Variants in VPS13B observed in about 807,000 individuals in gnomAD.
The protein encoded by VPS13B is vacuolar protein sorting 13 homolog B.
A neutral mutation model predicts 426.4 loss-of-function variants in VPS13B; 285 were observed. The ratio of observed to expected loss-of-function variants is 0.67; its 90% CI spans 0.61 to 0.74. The LOEUF (loss-of-function observed/expected upper bound fraction) is 0.74, where lower values mean the gene tolerates loss of function less well. Among genes scored for constraint, VPS13B ranks in the 30% least tolerant of loss-of-function variants. The probability of loss-of-function intolerance (pLI) is 0.00; values close to 1 mark genes in which losing one functional copy is unlikely to be tolerated. For missense variants in VPS13B, 4,537 were observed against 4,782.6 expected, an observed-to-expected ratio of 0.95 and a Z score of 1.51; for synonymous variants, 1,676 against 1,676.4, an observed-to-expected ratio of 1.00 and a Z score of 0.01.
chr8:99,671,267 C>T (rs1334951498), intron 35 of VPS13B, among the ~76,000 whole-genome samples: 1 of 152,012 alleles, frequency 6.6e-6, no homozygotes, highest in African/African-American at 2.4e-5. Flanking sequence ...ACCTGTTGGC[C>T]ATTTGTATGT....
At chr8:99,678,619 A>G (rs546474130) in intron 35 of VPS13B, among the ~76,000 whole-genome samples, 2 of 151,374 alleles carry the variant, frequency 1.3e-5, no homozygotes, top group South Asian at 2.1e-4. Context: ...GTATTGCTCT[A>G]TCAGGAGGCA....
chr8:99,802,334 G>A (rs1242373433), intron 43 of VPS13B, among the ~76,000 whole-genome samples: 1 of 152,138 alleles, frequency 6.6e-6, no homozygotes, highest in Non-Finnish European at 1.5e-5. Flanking sequence ...AAAGTGCCAA[G>A]AGGGCAAGTT....
chr8:99,035,912 G>A (rs150349142), intron 2 of VPS13B, among the ~76,000 whole-genome samples: 1 of 152,120 alleles, frequency 6.6e-6, no homozygotes, highest in Non-Finnish European at 1.5e-5. Context: ...GTTATGCTGA[G>A]CTTCTTTTCA....
chr8:99,610,104 A>G (rs145026916), intron 33 of VPS13B, among the ~76,000 whole-genome samples: 23 of 152,322 alleles, frequency 1.5e-4, no homozygotes, highest in African/African-American at 5.5e-4. Context: ...ATGGAAAGTC[A>G]TTTGTCATTT....
intron 33 of VPS13B, among the ~76,000 whole-genome samples, chr8:99,590,122 C>A (rs1826541630): frequency 6.6e-6 from 1 of 152,124 alleles, no homozygotes; most frequent in Non-Finnish European, 1.5e-5. Context: ...AGTTCATTTG[C>A]ATAGAGGTGT....
At chr8:99,129,179 G>A (rs1462459118) in intron 8 of VPS13B, among the ~76,000 whole-genome samples, 2 of 151,808 alleles carry the variant, frequency 1.3e-5, no homozygotes, top group African/African-American at 4.8e-5. Flanking sequence ...ATTATTCTCA[G>A]TTCTACTGAA....
Position 99,384,317 on chromosome 8 carries a change from G to T in VPS13B, c.2934G>T (p.Gln978His), listed in dbSNP as rs772161131. The change falls in exon 20 of 62, where the codon CAG (glutamine) becomes CAT (histidine). Residue 978 changes from glutamine to histidine, a missense_variant and splice_region_variant. By Grantham distance (24) the Gln-to-His change is conservative. This residue lies in a region of VPS13B where 4,311 missense variants were observed against 4,474.3 expected (regional missense o/e 0.96). Transcript: ENST00000357162. Reference sequence around the variant, plus strand: ...AACGAACAAGTAGACATATGCAACAGGTAAGAGATTTTTAAATAATTTTTT... The same window carrying T: ...AACGAACAAGTAGACATATGCAACATGTAAGAGATTTTTAAATAATTTTTT... ...PQKRTSRHMQ[Q>H]QPVVAVPLVM... 1 of 1,609,392 alleles carries T rather than the reference G, an allele frequency of 6.2e-7. No individual in the cohort carries two copies. Among genetic ancestry groups the T allele is most frequent in the Non-Finnish European group, 8.5e-7 (1 of 1,176,458 alleles).
At chr8:99,479,329 A>G (rs553328832) in intron 24 of VPS13B, among the ~76,000 whole-genome samples, 1 of 152,340 alleles carries the variant, frequency 6.6e-6, no homozygotes, top group South Asian at 2.1e-4. Context: ...TTTTTTAAAC[A>G]TAATGTTACA....
chr8:99,131,796 T>C (rs1286480346), intron 8 of VPS13B, among the ~76,000 whole-genome samples: 2 of 152,186 alleles, frequency 1.3e-5, no homozygotes, highest in African/African-American at 4.8e-5. Flanking sequence ...AGGCAATTTC[T>C]CAAAATAAGA....
At chr8:99,276,513 C>G (rs1485718349) in intron 19 of VPS13B, among the ~76,000 whole-genome samples, 2 of 152,000 alleles carry the variant, frequency 1.3e-5, no homozygotes, top group Non-Finnish European at 2.9e-5. Context: ...GGTTTATGGC[C>G]CATACAGTCT....
At chr8:99,425,269 G>C (rs1816628434) in intron 21 of VPS13B, among the ~76,000 whole-genome samples, 1 of 152,056 alleles carries the variant, frequency 6.6e-6, no homozygotes, top group Admixed American at 6.6e-5. Context: ...CAAAAAAAGA[G>C]AATTTTAGAC....
chr8:99,605,407 G>T lies in VPS13B; in HGVS notation c.5220+27774G>T, dbSNP rs530630984. On this transcript the variant is annotated intron_variant, in intron 33 of 61. Transcript: ENST00000357162. Reference sequence around the variant, plus strand: ...AATTTTGTGAAATTTGAGCCATTTGGTAAAAAAAAATGAGTCTAAACACTC... The same window carrying T: ...AATTTTGTGAAATTTGAGCCATTTGTTAAAAAAAAATGAGTCTAAACACTC... Among the ~76,000 whole-genome samples, 24 of 151,890 alleles carry T rather than the reference G, an allele frequency of 1.6e-4. 1 individual carries two copies. The South Asian group carries it at 2.9e-3, about 18-fold the overall frequency.
chr8:99,164,993 G>A (rs1388702137), intron 15 of VPS13B, among the ~76,000 whole-genome samples: 1 of 152,048 alleles, frequency 6.6e-6, no homozygotes, highest in African/African-American at 2.4e-5. Flanking sequence ...CCCACTTCAT[G>A]TAATAAAATT....
chr8:99,643,647 G>A (rs1829461124), intron 34 of VPS13B, among the ~76,000 whole-genome samples: 1 of 152,164 alleles, frequency 6.6e-6, no homozygotes, highest in South Asian at 2.1e-4. Flanking sequence ...AGAGCTGATT[G>A]TTAGACTCAG....
chr8:99,468,987 GTTTGA>G (rs1347887701), intron 24 of VPS13B, among the ~76,000 whole-genome samples: 1 of 151,450 alleles, frequency 6.6e-6, no homozygotes, highest in African/African-American at 2.4e-5. Context: ...ATACTATACT[GTTTGA>G]TTTAACTTTT....
intron 20 of VPS13B, among the ~76,000 whole-genome samples, chr8:99,389,908 T>C (rs1332708670): frequency 6.6e-6 from 1 of 152,058 alleles, no homozygotes; most frequent in African/African-American, 2.4e-5. Flanking sequence ...CCACCCCCCC[T>C]CCTTATGTTT....
intron 35 of VPS13B, among the ~76,000 whole-genome samples, chr8:99,676,987 A>T (rs888963658): frequency 2.6e-5 from 4 of 152,008 alleles, no homozygotes; most frequent in Non-Finnish European, 5.9e-5. Flanking sequence ...GTGATGGTGC[A>T]TGCCTGTAAT....
At chr8:99,323,462 A>G (rs1287413403) in intron 19 of VPS13B, among the ~76,000 whole-genome samples, 4 of 152,200 alleles carry the variant, frequency 2.6e-5, no homozygotes, top group African/African-American at 7.2e-5. Flanking sequence ...TCATTTTTGC[A>G]TTGAGAAAAC....
At chr8:99,186,750 G>A (rs138213536) in intron 16 of VPS13B, among the ~76,000 whole-genome samples, 38 of 152,140 alleles carry the variant, frequency 2.5e-4, no homozygotes, top group African/African-American at 3.4e-4. Context: ...TATAATTGGC[G>A]TGTTTATTAT....
Sources: gnomAD v4.1 joint callset for allele counts (sites outside exome capture counted in the v4.1 genomes callset) on GRCh38, gnomAD v4.1.1 for gene constraint, gnomAD v4.1.1 regional missense constraint, MANE v1.5 for transcripts, NCBI Gene and HGNC (gene_info 2026-07-23, HGNC 2026-07-21) for gene names.